GGA2: variants seen among roughly 807,000 people sequenced by gnomAD.
GGA2 encodes the protein golgi associated, gamma adaptin ear containing, ARF binding protein 2.
Under a neutral mutation model 79.5 loss-of-function variants are expected in GGA2, and 48 were observed. The observed-to-expected ratio is 0.60, with a 90% CI of 0.48 to 0.77. The LOEUF (loss-of-function observed/expected upper bound fraction) is 0.77. Among genes scored for constraint, GGA2 ranks in the 30% least tolerant of loss-of-function variants. The pLI is 0.00. For missense variants in GGA2, 770 were observed against 774.0 expected, an observed-to-expected ratio of 0.99 and a Z score of 0.06; for synonymous variants, 317 against 302.0, an observed-to-expected ratio of 1.05 and a Z score of -0.51.
chr16:23,492,309 C>A (rs1200051406), intron 4 of GGA2, among the ~76,000 whole-genome samples: 2 of 152,200 alleles, frequency 1.3e-5, no homozygotes, highest in Admixed American at 6.5e-5. Context: ...TCAGCCCCAT[C>A]CCCTGACCGG....
At chr16:23,501,271 G>T (rs4968013) in intron 1 of GGA2, 384,990 of 455,654 alleles carry the variant, frequency 0.84, 163,243 homozygotes, top group African/African-American at 0.91. Context: ...GCATCGCTCT[G>T]TGTCCTACTA....
At chr16:23,501,661 T>A (rs571685933) in intron 1 of GGA2, 1 of 187,538 alleles carries the variant, frequency 5.3e-6, no homozygotes, top group Non-Finnish European at 1.1e-5. Flanking sequence ...ACTAATGCCA[T>A]CTTAAAGAGA....
rs1446346739 is a variant in GGA2, at chr16:23,468,939, A to G, written c.1678T>C (p.Leu560=). Residue 560 remains leucine, a synonymous_variant, in exon 16 of 17, where the codon TTG becomes CTG. Transcript: ENST00000309859. The stretch of plus-strand genomic sequence containing the variant: ...TGAGATATCACAGCTGGAGGCATCA[A>G]AGGACTGAATGCAGGAAGCTTGGAG... The part of the protein sequence containing the change: ...SSSKLPAFSP[L]MPPAVISQML... 6.2e-7 allele frequency: 1 copy of G among 1,612,796 alleles called. No individual in the cohort carries two copies. Among genetic ancestry groups the G allele is most frequent in the Non-Finnish European group, 8.5e-7 (1 of 1,178,830 alleles).
At position 23,468,868 on chromosome 16, in the gene GGA2, A is replaced by G. The variant is rs1964474357; in HGVS notation, c.1731+18T>C. ...CAGGGGCCCCCATCTCCCTGCTACC[A>G]CAGACACTGGAACATACTTTGTGTG... On this transcript the variant is annotated intron_variant, in intron 16 of 16. Transcript: ENST00000309859. 2.0e-6 allele frequency: 3 copies of G among 1,503,654 alleles called. No homozygotes were observed. The highest frequency in any genetic ancestry group is 2.8e-6 in the Non-Finnish European group (3 of 1,079,596). The allele number at this position is 1,503,654 out of a possible 1,614,324, so 93.1% of individuals were successfully genotyped here. A position where few individuals can be genotyped will look rare whatever the true frequency, so the allele number is the denominator to read the frequency against.
intron 13 of GGA2, among the ~76,000 whole-genome samples, chr16:23,477,818 TG>T (rs1469199498): frequency 6.6e-6 from 1 of 152,208 alleles, no homozygotes; most frequent in Non-Finnish European, 1.5e-5. Context: ...CCCAGCCACA[TG>T]GAACTATGAG....
At chr16:23,491,858 T>C in intron 4 of GGA2, 58 bp from the exon 5 acceptor site, 1 of 1,241,506 alleles carries the variant, frequency 8.1e-7, no homozygotes, top group Non-Finnish European at 1.2e-6. Context: ...AGACCGACAC[T>C]TTAACTAAAG....
intron 6 of GGA2, among the ~76,000 whole-genome samples, 197 bp from the exon 7 acceptor site, chr16:23,486,987 T>G (rs1398307754): frequency 4.0e-5 from 6 of 149,398 alleles, no homozygotes; most frequent in African/African-American, 1.5e-4. Context: ...TTCTGTTGTT[T>G]TTTTTTTTTT....
intron 7 of GGA2, 69 bp downstream of exon 7, chr16:23,486,641 G>A: frequency 1.1e-6 from 1 of 897,656 alleles, no homozygotes; most frequent in Non-Finnish European, 1.9e-6. Context: ...TCAAGCATAG[G>A]CTCATATGCA....
chr16:23,478,069 C>A (rs1419811255), intron 13 of GGA2, among the ~76,000 whole-genome samples: 1 of 151,364 alleles, frequency 6.6e-6, no homozygotes, highest in South Asian at 2.1e-4. Context: ...CATGGTGGCG[C>A]GTGCCTGTAA....
At chr16:23,519,106 A>G (rs1006712740) in intron 2 of GGA2, among the ~76,000 whole-genome samples, 1 of 141,318 alleles carries the variant, frequency 7.1e-6, no homozygotes, top group Non-Finnish European at 1.5e-5. Flanking sequence ...CAGTGGCACT[A>G]TCCTGGCTCA....
At chr16:23,477,733 C>A (rs959478882) in intron 13 of GGA2, among the ~76,000 whole-genome samples, 1 of 151,968 alleles carries the variant, frequency 6.6e-6, no homozygotes, top group African/African-American at 2.4e-5. Flanking sequence ...GGCGACAGAG[C>A]GAGACTCCAT....
In GGA2 at chr16:23,465,504, G is replaced by A; in HGVS notation, c.*2086C>T. On this transcript the variant is annotated 3_prime_UTR_variant, in exon 17 of 17. Transcript: ENST00000309859. ...AGAATGTTCAGGTACACATGTGTGA[G>A]TTCACCTCCTAACTATAGGGGAGAA... The A allele has an allele frequency of 1.5e-6, 1 of 687,374 alleles. No individual in the cohort carries two copies. Among genetic ancestry groups the A allele is most frequent in the Non-Finnish European group, 2.7e-6 (1 of 376,960 alleles). The allele number at this position is 687,374 out of a possible 1,614,324, so 42.6% of individuals were successfully genotyped here.
intron 2 of GGA2, among the ~76,000 whole-genome samples, chr16:23,518,005 C>G (rs1015783431): frequency 6.6e-6 from 1 of 151,828 alleles, no homozygotes; most frequent in Non-Finnish European, 1.5e-5. Flanking sequence ...CTCTGCCTCC[C>G]GGATTCAAGC....
chr16:23,501,481 C>G (rs1964921227), intron 1 of GGA2: 1 of 407,662 alleles, frequency 2.5e-6, no homozygotes, highest in Non-Finnish European at 4.9e-6. Context: ...ATTACTTCGA[C>G]CTGTGTGCCT....
At position 23,467,148 on chromosome 16, in the gene GGA2, G is replaced by C. The variant is rs1397751187; in HGVS notation, c.*442C>G. 6.1e-6 allele frequency: 1 copy of C among 163,706 alleles called. No homozygotes were observed. Among genetic ancestry groups the C allele is most frequent in the Non-Finnish European group, 1.3e-5 (1 of 74,762 alleles). 10.1% of individuals were successfully genotyped at this position (163,706 alleles called of 1,614,324 possible). A position where few individuals can be genotyped will look rare whatever the true frequency, so the allele number is the denominator to read the frequency against. On this transcript the variant is annotated 3_prime_UTR_variant, in exon 17 of 17. Coordinates refer to ENST00000309859, the MANE Select transcript of GGA2 (RefSeq NM_015044.4). ...ACCAGGTCCCTTTTAAGGTCCCTGAGAACAGCAGCCTGGGAGCAACCAAGC... is the reference window on the plus strand; with the variant it reads ...ACCAGGTCCCTTTTAAGGTCCCTGACAACAGCAGCCTGGGAGCAACCAAGC...
intron 2 of GGA2, among the ~76,000 whole-genome samples, chr16:23,518,088 T>A (rs924476404): frequency 1.3e-5 from 2 of 151,862 alleles, no homozygotes; most frequent in African/African-American, 4.8e-5. Flanking sequence ...AATTTTTGTA[T>A]TTTTAGTAGA....
At chr16:23,496,583 G>A (rs921072085) in intron 1 of GGA2, among the ~76,000 whole-genome samples, 1 of 152,150 alleles carries the variant, frequency 6.6e-6, no homozygotes, top group Non-Finnish European at 1.5e-5. Flanking sequence ...AGCACTTCAT[G>A]GGGCTGAGGT....
At chr16:23,510,906 CGTGT>C (rs150030103), upstream of GGA2, among the ~76,000 whole-genome samples, 1,639 of 48,484 alleles carry the variant, frequency 0.034, 123 homozygotes, top group African/African-American at 0.066. Context: ...TGGGTTTCAC[CGTGT>C]GTGTGTGTGT....
intron 1 of GGA2, among the ~76,000 whole-genome samples, chr16:23,503,946 T>C (rs1964946952): frequency 6.6e-6 from 1 of 152,116 alleles, no homozygotes; most frequent in African/African-American, 2.4e-5. Context: ...CCAGGTATGG[T>C]GCTGCATGCC....
Sources: allele counts gnomAD v4.1 joint callset (sites outside exome capture counted in the v4.1 genomes callset), GRCh38; gene constraint gnomAD v4.1.1; transcripts MANE v1.5; gene names NCBI Gene and HGNC (gene_info 2026-07-23, HGNC 2026-07-21).